Variants in CDC42BPA observed in about 807,000 individuals in gnomAD.
CDC42BPA encodes the protein serine/threonine-protein kinase MRCK alpha.
In CDC42BPA, 80 loss-of-function variants were observed where a neutral mutation model predicts 223.5. The observed-to-expected ratio is 0.36, with a 90% confidence interval of 0.30 to 0.43. The LOEUF (loss-of-function observed/expected upper bound fraction) is 0.43, where lower values mean the gene tolerates loss of function less well. Ranked by LOEUF, CDC42BPA falls within the 20% of genes least tolerant of loss-of-function variation. The probability of loss-of-function intolerance (pLI) is 1.00; values close to 1 mark genes in which losing one functional copy is unlikely to be tolerated. For missense variants in CDC42BPA, 1,743 were observed against 2,099.9 expected (o/e 0.83, Z 3.32); for synonymous variants, 694 against 718.6 (o/e 0.97, Z 0.55).
At chr1:227,097,378 A>C (rs536553795) in intron 15 of CDC42BPA, among the ~76,000 whole-genome samples, 1 of 152,212 alleles carries the variant, frequency 6.6e-6, no homozygotes, top group African/African-American at 2.4e-5. Context: ...ATCTCATTTG[A>C]TTCAGAACTC....
At position 226,994,847 on chromosome 1, in the gene CDC42BPA, G is replaced by A. The variant is rs573592647; in HGVS notation, c.5109C>T (p.Ala1703=). The part of the protein sequence containing the change: ...SSGGMDQGSD[A]PARDFDGEDS... Reference sequence around the variant, plus strand: ...CCTCTCCGTCAAAGTCCCTCGCTGGGGCATCACTTCCTTGGTCCATGCCTC... The same window carrying A: ...CCTCTCCGTCAAAGTCCCTCGCTGGAGCATCACTTCCTTGGTCCATGCCTC... Residue 1703 remains alanine (A), a synonymous_variant, in exon 36 of 37, where the codon GCC becomes GCT. Transcript: ENST00000366766. The surrounding 1 kb of genome is among the most constrained non-coding windows in gnomAD (Gnocchi z 4.0). 4 of 1,613,066 alleles carry A rather than the reference G, an allele frequency of 2.5e-6. No individual in the cohort carries two copies. The South Asian group carries it at 4.4e-5, about 18-fold the overall frequency.
intron 17 of CDC42BPA, among the ~76,000 whole-genome samples, chr1:227,074,607 G>A (rs982118000): frequency 2.0e-5 from 3 of 152,092 alleles, no homozygotes; most frequent in African/African-American, 7.2e-5. Flanking sequence ...ACTCATAGCT[G>A]ATACATTATT....
At chr1:227,275,984 T>C (rs146120251) in intron 1 of CDC42BPA, among the ~76,000 whole-genome samples, 46,546 of 151,684 alleles carry the variant, frequency 0.31, 7,296 homozygotes, top group East Asian at 0.37. Flanking sequence ...TGCCTTGGCC[T>C]CCCAAAGTGC....
intron 11 of CDC42BPA, among the ~76,000 whole-genome samples, chr1:227,121,116 C>T (rs964277481): frequency 1.8e-4 from 27 of 152,078 alleles, no homozygotes; most frequent in African/African-American, 1.7e-4. Context: ...GTTTGTCGCC[C>T]GAGAATTGGG....
chr1:227,232,961 G>A (rs544793758), intron 2 of CDC42BPA, among the ~76,000 whole-genome samples: 50 of 152,306 alleles, frequency 3.3e-4, no homozygotes, highest in Non-Finnish European at 5.0e-4. Flanking sequence ...CAGCAATGGC[G>A]GACACGCCTC....
chr1:226,997,820 T>A lies in CDC42BPA; in HGVS notation c.4976-2840A>T, dbSNP rs115722884. Among the ~76,000 whole-genome samples the A allele has an allele frequency of 3.7e-3, 565 of 152,360 alleles. 3 individuals are homozygous for A. Among genetic ancestry groups the A allele is most frequent in the African/African-American group, 0.013 (546 of 41,582 alleles). The stretch of plus-strand genomic sequence containing the variant: ...ATTGCACTGTGGTCTGAGAGACTTA[T>A]AATTTCCATTCCTTTGCATTTGGTG... On this transcript the variant is annotated intron_variant, in intron 35 of 36. Transcript: ENST00000366766.
intron 3 of CDC42BPA, among the ~76,000 whole-genome samples, chr1:227,201,861 A>T (rs938018128): frequency 2.0e-5 from 3 of 151,960 alleles, no homozygotes; most frequent in Admixed American, 6.6e-5. Context: ...TAATGGCTAC[A>T]CCATATTCCA....
chr1:227,304,880 A>T (rs1692285608), intron 1 of CDC42BPA, among the ~76,000 whole-genome samples: 1 of 152,218 alleles, frequency 6.6e-6, no homozygotes, highest in African/African-American at 2.4e-5. Context: ...ACATTTGTTA[A>T]AACTCACAAT....
At chr1:227,035,741 C>T in intron 24 of CDC42BPA, 134 bp from the exon 25 acceptor site, 1 of 596,336 alleles carries the variant, frequency 1.7e-6, no homozygotes, top group Non-Finnish European at 2.8e-6. Flanking sequence ...ACTGTTTTAT[C>T]ATTTGGGTAG....
intron 9 of CDC42BPA, among the ~76,000 whole-genome samples, chr1:227,140,424 T>C (rs1037589347): frequency 6.6e-6 from 1 of 151,906 alleles, no homozygotes; most frequent in African/African-American, 2.4e-5. Flanking sequence ...AAAGTAACTT[T>C]GGAAAAAGCT....
chr1:227,030,383 C>CA, intron 29 of CDC42BPA, 25 bp downstream of exon 29: 1 of 1,468,470 alleles, frequency 6.8e-7, no homozygotes, highest in South Asian at 1.2e-5. Flanking sequence ...TAAAATTACT[C>CA]CAAAAAAAAA....
intron 24 of CDC42BPA, 93 bp from the exon 25 acceptor site, chr1:227,035,700 T>C: frequency 1.3e-6 from 1 of 799,914 alleles, no homozygotes; most frequent in Non-Finnish European, 1.9e-6. Flanking sequence ...CTATGTTAGA[T>C]GAATGCTTAT....
intron 4 of CDC42BPA, among the ~76,000 whole-genome samples, chr1:227,195,444 G>A (rs1286263381): frequency 2.6e-5 from 4 of 152,004 alleles, no homozygotes; most frequent in African/African-American, 9.7e-5. Flanking sequence ...CCAAAGTGCT[G>A]GGATTACAGG....
chr1:227,006,949 TCAACAACAACAACAACAACAACAACAA>T (rs58305329), intron 34 of CDC42BPA, among the ~76,000 whole-genome samples: 22 of 148,138 alleles, frequency 1.5e-4, no homozygotes, highest in Admixed American at 7.4e-4. Flanking sequence ...AGACTCCGTC[TCAACAACAACAACAACAACAACAACAA>T]CAACAACAAC....
At chr1:227,142,624 C>CTT (rs71681093) in intron 9 of CDC42BPA, among the ~76,000 whole-genome samples, 1 of 147,916 alleles carries the variant, frequency 6.8e-6, no homozygotes, top group African/African-American at 2.5e-5. Context: ...ACTATGTTAA[C>CTT]TTTTTTTTTT....
chr1:227,291,786 A>G (rs1689744998), intron 1 of CDC42BPA, among the ~76,000 whole-genome samples: 1 of 152,210 alleles, frequency 6.6e-6, no homozygotes, highest in Admixed American at 6.5e-5. Context: ...TGTATTGTGT[A>G]ATCAGCTACC....
intron 1 of CDC42BPA, among the ~76,000 whole-genome samples, chr1:227,256,469 A>G (rs1167605981): frequency 6.6e-6 from 1 of 152,200 alleles, no homozygotes; most frequent in Non-Finnish European, 1.5e-5. Flanking sequence ...CATGTATCCC[A>G]GAACTTAAAA....
chr1:227,141,346 T>C (rs1659629387), intron 9 of CDC42BPA, among the ~76,000 whole-genome samples: 1 of 152,148 alleles, frequency 6.6e-6, no homozygotes, highest in Non-Finnish European at 1.5e-5. Flanking sequence ...TGCATTAAGA[T>C]GGAGAACTGA....
At position 227,254,101 on chromosome 1, in the gene CDC42BPA, T is replaced by A; in HGVS notation, c.233A>T (p.Glu78Val). The A allele has an allele frequency of 6.2e-7, 1 of 1,602,922 alleles. No homozygotes were observed. The change falls in exon 2 of 37, where the codon GAA becomes GTA. Residue 78 changes from glutamate (E) to valine (V), a missense_variant. Physicochemically the swap from Glu to Val is moderately radical, Grantham distance 121 (BLOSUM62 -2). This residue lies in a region of CDC42BPA where 321 missense variants were observed against 488.7 expected (regional missense o/e 0.66). Coordinates refer to ENST00000366766, the MANE Select transcript of CDC42BPA (RefSeq NM_001394014.1). ...KQMRLHREDF[E>V]ILKVIGRGAF... ...TCCTCGACCAATCACCTTTAATATTTCAAAGTCTTCTCTATGTAATCGCAT... is the reference window on the plus strand; with the variant it reads ...TCCTCGACCAATCACCTTTAATATTACAAAGTCTTCTCTATGTAATCGCAT...
Sources: allele counts gnomAD v4.1 joint callset (sites outside exome capture counted in the v4.1 genomes callset), GRCh38; gene constraint gnomAD v4.1.1; regional missense constraint gnomAD v4.1.1; non-coding constraint Gnocchi (gnomAD v3.1); transcripts MANE v1.5; gene names NCBI Gene and HGNC (gene_info 2026-07-23, HGNC 2026-07-21).